Variants in CDH4 observed in about 807,000 individuals in gnomAD.
CDH4 encodes the protein cadherin-4.
A neutral mutation model predicts 86.0 loss-of-function variants in CDH4; 33 were observed. That is an observed-to-expected ratio of 0.38 (90% confidence interval 0.29 to 0.51). The LOEUF is 0.51. Ranked by LOEUF, CDH4 falls within the 20% of genes least tolerant of loss-of-function variation. The probability of loss-of-function intolerance (pLI) is 0.86; values close to 1 mark genes in which losing one functional copy is unlikely to be tolerated. For synonymous variants in CDH4, 555 were observed against 549.4 expected (o/e 1.01, Z -0.14); for missense variants, 1,114 against 1,307.4 (o/e 0.85, Z 2.28).
At chr20:61,655,976 G>A (rs2145823726) in intron 2 of CDH4, among the ~76,000 whole-genome samples, 1 of 152,360 alleles carries the variant, frequency 6.6e-6, no homozygotes, top group South Asian at 2.1e-4. Flanking sequence ...GAGGGTGACA[G>A]CTTCAGATAT....
In CDH4 at chr20:61,561,690, C is replaced by T. The variant is rs1406586966; in HGVS notation, c.170-181873C>T. ...CCATGCCTGTTTGTTGGCATCCTAT[C>T]CTGCTTTTGTGCTATGAAGGCAGAG... On this transcript the variant is annotated intron_variant, in intron 2 of 15. Coordinates refer to ENST00000614565, the MANE Select transcript of CDH4 (RefSeq NM_001794.5). Among the ~76,000 whole-genome samples, 3 of 152,340 alleles carry T rather than the reference C, an allele frequency of 2.0e-5. No homozygotes were observed. In the East Asian group the frequency reaches 5.8e-4, roughly 29 times the overall value.
chr20:61,856,902 C>T (rs976174266), intron 6 of CDH4, among the ~76,000 whole-genome samples: 14 of 152,360 alleles, frequency 9.2e-5, no homozygotes, highest in East Asian at 1.9e-4. Context: ...GGTGTGGCAG[C>T]GCCCCTGGCT....
chr20:61,267,172 A>G (rs1048543815), intron 2 of CDH4, among the ~76,000 whole-genome samples: 2 of 152,154 alleles, frequency 1.3e-5, no homozygotes, highest in Non-Finnish European at 1.5e-5. Flanking sequence ...GCAGAAGAAT[A>G]CCTTTCTGTT....
intron 15 of CDH4, among the ~76,000 whole-genome samples, chr20:61,935,840 C>T (rs534507398): frequency 1.3e-5 from 2 of 152,188 alleles, no homozygotes; most frequent in East Asian, 3.9e-4. Flanking sequence ...GAGCCAAGGT[C>T]GCACCACTGT....
At chr20:61,554,886 G>A (rs958819344) in intron 2 of CDH4, among the ~76,000 whole-genome samples, 11 of 64,080 alleles carry the variant, frequency 1.7e-4, no homozygotes, top group Admixed American at 1.5e-4. Context: ...GTAAGCTCAC[G>A]TTTTACATGT....
intron 2 of CDH4, among the ~76,000 whole-genome samples, chr20:61,631,372 G>C (rs2145788192): frequency 6.6e-6 from 1 of 152,372 alleles, no homozygotes; most frequent in South Asian, 2.1e-4. Flanking sequence ...GCTGGGTGCA[G>C]TGGCTCACAT....
At chr20:61,833,175 G>A (rs186758883) in intron 4 of CDH4, among the ~76,000 whole-genome samples, 88 of 152,180 alleles carry the variant, frequency 5.8e-4, no homozygotes, top group African/African-American at 2.0e-3. Flanking sequence ...CAGGATAGGA[G>A]CCAGCACATT....
intron 2 of CDH4, among the ~76,000 whole-genome samples, chr20:61,364,304 A>G (rs1417016083): frequency 1.3e-5 from 2 of 152,124 alleles, no homozygotes; most frequent in Non-Finnish European, 2.9e-5. Flanking sequence ...GGGTGGAGCC[A>G]TTGGGAGGAC....
intron 2 of CDH4, among the ~76,000 whole-genome samples, chr20:61,332,685 GC>G (rs1288881703): frequency 6.6e-6 from 1 of 152,238 alleles, no homozygotes; most frequent in Non-Finnish European, 1.5e-5. Context: ...CTGGCTGGCT[GC>G]CCTCCTCCCT....
intron 2 of CDH4, among the ~76,000 whole-genome samples, chr20:61,412,749 G>C (rs1479063927): frequency 6.6e-6 from 1 of 152,138 alleles, no homozygotes; most frequent in Non-Finnish European, 1.5e-5. Context: ...GCATCTCTCC[G>C]GCCTCATGGA....
Position 61,701,114 on chromosome 20 carries a change from G to T in CDH4, c.170-42449G>T, listed in dbSNP as rs569338849. Among the ~76,000 whole-genome samples, 9 of 152,212 alleles carry T rather than the reference G, an allele frequency of 5.9e-5. No individual in the cohort carries two copies. In the East Asian group the frequency reaches 1.7e-3, roughly 30 times the overall value. On this transcript the variant is annotated intron_variant, in intron 2 of 15. Coordinates refer to ENST00000614565, the MANE Select transcript of CDH4 (RefSeq NM_001794.5). ...GACTCTGTTCCAGGCCTCTCTCCTCGGCTTGCAGGTGCCATCTTCTTCCCG... is the reference window on the plus strand; with the variant it reads ...GACTCTGTTCCAGGCCTCTCTCCTCTGCTTGCAGGTGCCATCTTCTTCCCG...
At chr20:61,731,213 C>T (rs932323923) in intron 2 of CDH4, among the ~76,000 whole-genome samples, 8 of 152,096 alleles carry the variant, frequency 5.3e-5, no homozygotes, top group Admixed American at 1.3e-4. Context: ...ACAGTCGTGC[C>T]GCTTGTGGTG....
rs980542851 is a variant in CDH4 at position 61,373,171 on chromosome 20, C to T, written c.169+118234C>T. ...ACGTCCTCTGTGTGGCCGACACTCC[C>T]GCCCCCGTCTCAACACCCAGGTGTG... On this transcript the variant is annotated intron_variant, in intron 2 of 15. Transcript: ENST00000614565. 4.3e-4 allele frequency among the ~76,000 whole-genome samples: 66 copies of T among 152,200 alleles called. 1 individual carries two copies. The highest frequency in any genetic ancestry group is 4.6e-4 in the Admixed American group (7 of 15,284).
At chr20:61,644,533 C>T (rs1229242664) in intron 2 of CDH4, among the ~76,000 whole-genome samples, 13 of 152,232 alleles carry the variant, frequency 8.5e-5, no homozygotes, top group South Asian at 2.1e-4. Context: ...ATGACGTGAG[C>T]GGGCTTTCCA....
chr20:61,595,006 A>G (rs2086545086), intron 2 of CDH4, among the ~76,000 whole-genome samples: 1 of 152,206 alleles, frequency 6.6e-6, no homozygotes. Context: ...CTGAGGGTGC[A>G]GTGACCGTGG....
chr20:61,448,118 G>A lies in CDH4; in HGVS notation c.169+193181G>A, dbSNP rs1284040937. On this transcript the variant is annotated intron_variant, in intron 2 of 15. Coordinates refer to ENST00000614565, the MANE Select transcript of CDH4 (RefSeq NM_001794.5). ...GGATCTTAAAAGTGGGTTGGCCCAG[G>A]CTTTGCTGGTTTGTTTCAGCCCAGC... 4.3e-4 allele frequency among the ~76,000 whole-genome samples: 66 copies of A among 152,208 alleles called. 1 individual carries two copies. Among genetic ancestry groups the A allele is most frequent in the Admixed American group, 4.3e-3 (65 of 15,280 alleles).
At chr20:61,548,678 A>G (rs771513287) in intron 2 of CDH4, among the ~76,000 whole-genome samples, 1 of 152,170 alleles carries the variant, frequency 6.6e-6, no homozygotes, top group African/African-American at 2.4e-5. Flanking sequence ...AAGTAATTCA[A>G]AGAGAAGAGT....
chr20:61,632,009 C>T (rs1034268658), intron 2 of CDH4, among the ~76,000 whole-genome samples: 1 of 152,258 alleles, frequency 6.6e-6, no homozygotes, highest in Non-Finnish European at 1.5e-5. Flanking sequence ...ATCGTGAAGG[C>T]TGCGCAAGTG....
chr20:61,671,576 G>A (rs1235320756), intron 2 of CDH4, among the ~76,000 whole-genome samples: 1 of 151,900 alleles, frequency 6.6e-6, no homozygotes, highest in Admixed American at 6.6e-5. Context: ...ATAGGTTTGT[G>A]GATGGATGAT....
Sources: gnomAD v4.1 joint callset for allele counts (sites outside exome capture counted in the v4.1 genomes callset) on GRCh38, gnomAD v4.1.1 for gene constraint, MANE v1.5 for transcripts, NCBI Gene and HGNC (gene_info 2026-07-23, HGNC 2026-07-21) for gene names.